Variants in AMBRA1 observed in about 807,000 individuals in gnomAD.
AMBRA1 encodes the protein autophagy and beclin 1 regulator 1.
In AMBRA1, 47 loss-of-function variants were observed where a neutral mutation model predicts 125.4. The observed-to-expected ratio is 0.37, with a 90% CI of 0.30 to 0.48. The LOEUF (loss-of-function observed/expected upper bound fraction) is 0.48. Among genes scored for constraint, AMBRA1 ranks in the 20% least tolerant of loss-of-function variants. The pLI is 0.99. For missense variants in AMBRA1, 1,331 were observed against 1,693.4 expected (o/e 0.79, Z 3.76); for synonymous variants, 626 against 655.5 (o/e 0.95, Z 0.69).
Position 46,443,543 on chromosome 11 carries a change from G to C in AMBRA1, c.2577C>G (p.Thr859=). 1 of 1,614,176 alleles carries C rather than the reference G, an allele frequency of 6.2e-7. No homozygotes were observed. The highest frequency in any genetic ancestry group is 8.5e-7 in the Non-Finnish European group (1 of 1,180,030). ...SAVASNIANT[T]YRLQWWDFTK... ...TGAAGTCCCACCACTGGAGCCGGTAGGTAGTATTGGCAATGTTACTGGCCA... is the reference window on the plus strand; with the variant it reads ...TGAAGTCCCACCACTGGAGCCGGTACGTAGTATTGGCAATGTTACTGGCCA... Residue 859 remains threonine (T), a synonymous_variant, in exon 12 of 18, where the codon ACC becomes ACG. Transcript: ENST00000683756.
At position 46,545,512 on chromosome 11, in the gene AMBRA1, A is replaced by G. The variant is rs117266228; in HGVS notation, c.551+92T>C. On this transcript the variant is annotated intron_variant, in intron 5 of 17. Coordinates refer to ENST00000683756, the MANE Select transcript of AMBRA1 (RefSeq NM_001387011.1). ...GGATGACAACTTGCCCTGAGCAGGG[A>G]TAACAACCTGACTTCCAAGGTGACA... 3.2e-4 allele frequency: 474 copies of G among 1,475,790 alleles called. 1 individual carries two copies. The East Asian group carries it at 8.9e-3, about 28-fold the overall frequency. The allele number at this position is 1,475,790 out of a possible 1,614,324, so 91.4% of individuals were successfully genotyped here. A position where few individuals can be genotyped will look rare whatever the true frequency, so the allele number is the denominator to read the frequency against.
At chr11:46,528,722 T>C (rs143894911) in intron 7 of AMBRA1, among the ~76,000 whole-genome samples, 195 of 152,312 alleles carry the variant, frequency 1.3e-3, no homozygotes, top group Admixed American at 2.7e-3. Flanking sequence ...ATGTGTACTG[T>C]ACACTTTTAA....
At position 46,460,071 on chromosome 11, in the gene AMBRA1, T is replaced by A. The variant is rs1163304305; in HGVS notation, c.2522-16473A>T. Among the ~76,000 whole-genome samples, 7 of 152,304 alleles carry A rather than the reference T, an allele frequency of 4.6e-5. No individual in the cohort carries two copies. The East Asian group carries it at 1.3e-3, about 29-fold the overall frequency. On this transcript the variant is annotated intron_variant, in intron 11 of 17. Coordinates refer to ENST00000683756, the MANE Select transcript of AMBRA1 (RefSeq NM_001387011.1). ...CTGAAGATGAGCCAGAACAATTTCA[T>A]CTCTGTGTAAACATCTTAGAGAAGA...
intron 11 of AMBRA1, among the ~76,000 whole-genome samples, chr11:46,486,838 G>T (rs1318885224): frequency 6.6e-6 from 1 of 151,892 alleles, no homozygotes; most frequent in African/African-American, 2.4e-5. Context: ...CCCAGGAGAT[G>T]GAGGTTACAG....
At chr11:46,481,195 G>C (rs1590918318) in intron 11 of AMBRA1, among the ~76,000 whole-genome samples, 3 of 152,096 alleles carry the variant, frequency 2.0e-5, no homozygotes, top group Non-Finnish European at 2.9e-5. Flanking sequence ...AAACAGCTCT[G>C]TTTTGGAATG....
intron 11 of AMBRA1, among the ~76,000 whole-genome samples, chr11:46,447,173 C>T (rs1948331014): frequency 6.6e-6 from 1 of 152,028 alleles, no homozygotes; most frequent in African/African-American, 2.4e-5. Context: ...CTTTGGGAGG[C>T]CAAGGTGGGC....
intron 11 of AMBRA1, among the ~76,000 whole-genome samples, chr11:46,445,716 T>G (rs1948251299): frequency 6.6e-6 from 1 of 152,220 alleles, no homozygotes; most frequent in Non-Finnish European, 1.5e-5. Flanking sequence ...TCAAGATGGT[T>G]GACACCCTCC....
chr11:46,522,114 T>C lies in AMBRA1; in HGVS notation c.2073-9301A>G, dbSNP rs530412733. Among the ~76,000 whole-genome samples the C allele has an allele frequency of 9.8e-5, 15 of 152,314 alleles. No individual in the cohort carries two copies. The East Asian group carries it at 1.5e-3, about 16-fold the overall frequency. The stretch of plus-strand genomic sequence containing the variant: ...CTAGAAACAGAATGTATACATAGTG[T>C]GCAATCATGTATCTAGCATTACAAA... On this transcript the variant is annotated intron_variant, in intron 7 of 17. Transcript: ENST00000683756.
intron 1 of AMBRA1, among the ~76,000 whole-genome samples, chr11:46,568,226 G>A (rs2043608897): frequency 6.6e-6 from 1 of 152,062 alleles, no homozygotes. Flanking sequence ...GGGTGGCCGA[G>A]GCAGGAAGAT....
At chr11:46,507,179 A>C (rs1195938887) in intron 9 of AMBRA1, among the ~76,000 whole-genome samples, 36 of 144,176 alleles carry the variant, frequency 2.5e-4, no homozygotes, top group Non-Finnish European at 5.2e-4. Flanking sequence ...TCCGTCTCAA[A>C]AAAAAAAAAA....
rs553147120 is a variant in AMBRA1 at position 46,505,577 on chromosome 11, C to A, written c.2339+2614G>T. Among the ~76,000 whole-genome samples, 9 of 149,692 alleles carry A rather than the reference C, an allele frequency of 6.0e-5. No homozygotes were observed. In the East Asian group the frequency reaches 1.8e-3, roughly 30 times the overall value. On this transcript the variant is annotated intron_variant, in intron 9 of 17. Transcript: ENST00000683756. ...GAGAAATCAGTCCATTGTTACTAACCAGGGAGCAATATAAGACCCCCTGAG... is the reference window on the plus strand; with the variant it reads ...GAGAAATCAGTCCATTGTTACTAACAAGGGAGCAATATAAGACCCCCTGAG...
At chr11:46,535,650 A>T (rs1342004480) in intron 7 of AMBRA1, among the ~76,000 whole-genome samples, 1 of 152,220 alleles carries the variant, frequency 6.6e-6, no homozygotes, top group Non-Finnish European at 1.5e-5. Context: ...AAATACCAAC[A>T]GCACTGACTG....
Position 46,397,388 on chromosome 11 carries a change from C to T in AMBRA1, c.*62G>A, listed in dbSNP as rs1288423665. On this transcript the variant is annotated 3_prime_UTR_variant, in exon 18 of 18. Transcript: ENST00000683756. ...CTCTTCCACATGTCCAGTTCCCAGT[C>T]AGCTGTGAGGTCCGGTTTCTGCTTG... The T allele has an allele frequency of 4.2e-6, 6 of 1,445,528 alleles. No individual in the cohort carries two copies. The highest frequency in any genetic ancestry group is 5.5e-6 in the Non-Finnish European group (6 of 1,098,644). The allele number at this position is 1,445,528 out of a possible 1,614,324, so 89.5% of individuals were successfully genotyped here. A position where few individuals can be genotyped will look rare whatever the true frequency, so the allele number is the denominator to read the frequency against.
chr11:46,433,410 C>A, intron 14 of AMBRA1, 64 bp downstream of exon 14: 1 of 1,575,050 alleles, frequency 6.3e-7, no homozygotes, highest in South Asian at 1.2e-5. Context: ...ACCACTGTCC[C>A]CTCATTACCC....
chr11:46,516,423 CTTTT>C (rs1162985350), intron 7 of AMBRA1, among the ~76,000 whole-genome samples: 2 of 73,178 alleles, frequency 2.7e-5, no homozygotes, highest in African/African-American at 1.0e-4. Flanking sequence ...AAAGATCTTT[CTTTT>C]TTTTTTTTTT....
At chr11:46,545,281 G>A (rs1952963110) in intron 5 of AMBRA1, among the ~76,000 whole-genome samples, 1 of 151,166 alleles carries the variant, frequency 6.6e-6, no homozygotes, top group Non-Finnish European at 1.5e-5. Context: ...ACAACATGGT[G>A]AAACCCTATC....
At chr11:46,559,151 T>C (rs1177513066) in intron 1 of AMBRA1, among the ~76,000 whole-genome samples, 3 of 151,670 alleles carry the variant, frequency 2.0e-5, no homozygotes, top group Non-Finnish European at 4.4e-5. Context: ...AATGCAAAAA[T>C]TAGATGGGCG....
chr11:46,587,217 T>G (rs189651929), intron 1 of AMBRA1, among the ~76,000 whole-genome samples: 1 of 151,882 alleles, frequency 6.6e-6, no homozygotes, highest in Admixed American at 6.6e-5. Context: ...CCATCTCTAC[T>G]CAAAATACAA....
intron 11 of AMBRA1, among the ~76,000 whole-genome samples, chr11:46,474,834 G>A (rs975225120): frequency 6.6e-6 from 1 of 152,166 alleles, no homozygotes; most frequent in Non-Finnish European, 1.5e-5. Flanking sequence ...GGTTCACTGA[G>A]GGCAGCTAAC....
Sources: allele counts gnomAD v4.1 joint callset (sites outside exome capture counted in the v4.1 genomes callset), GRCh38; gene constraint gnomAD v4.1.1; transcripts MANE v1.5; gene names NCBI Gene and HGNC (gene_info 2026-07-23, HGNC 2026-07-21).